Variants in SH3YL1 observed in about 807,000 individuals in gnomAD.
SH3YL1 encodes the protein SH3 domain-containing YSC84-like protein 1.
Under a neutral mutation model 45.8 loss-of-function variants are expected in SH3YL1, and 41 were observed. The observed-to-expected ratio is 0.89, with a 90% CI of 0.70 to 1.16. The LOEUF is 1.16. Ranked by LOEUF, SH3YL1 falls within the 50% of genes most tolerant of loss-of-function variation. The pLI, the probability that SH3YL1 is intolerant of heterozygous loss-of-function variation, is 0.00. For missense variants in SH3YL1, 389 were observed against 409.6 expected, an observed-to-expected ratio of 0.95 and a Z score of 0.43; for synonymous variants, 152 against 151.4, an observed-to-expected ratio of 1.00 and a Z score of -0.03.
At chr2:236,930 C>A (rs1668329810) in intron 4 of SH3YL1, among the ~76,000 whole-genome samples, 1 of 152,162 alleles carries the variant, frequency 6.6e-6, no homozygotes, top group Non-Finnish European at 1.5e-5. Flanking sequence ...TACCAGAGAG[C>A]TGACCCACAC....
intron 3 of SH3YL1, among the ~76,000 whole-genome samples, chr2:249,119 T>C (rs1217496205): frequency 6.6e-6 from 1 of 152,204 alleles, no homozygotes; most frequent in Non-Finnish European, 1.5e-5. Flanking sequence ...TTTTAGTTAG[T>C]TTTGACACAC....
chr2:241,170 A>G (rs970137183), intron 4 of SH3YL1: 1 of 152,194 alleles, frequency 6.6e-6, no homozygotes, highest in Non-Finnish European at 1.5e-5. Context: ...AGAAAAACGT[A>G]CAATGAGAAT....
At chr2:231,767 G>A (rs532372278) in intron 6 of SH3YL1, among the ~76,000 whole-genome samples, 2 of 152,326 alleles carry the variant, frequency 1.3e-5, no homozygotes, top group Admixed American at 1.3e-4. Context: ...GTTTCTAAAA[G>A]CATTCTTTTG....
intron 4 of SH3YL1, among the ~76,000 whole-genome samples, chr2:239,355 T>C (rs1322588423): frequency 6.6e-6 from 1 of 152,148 alleles, no homozygotes; most frequent in Non-Finnish European, 1.5e-5. Flanking sequence ...CTTTCTGTGT[T>C]TGGAAGGTCA....
At chr2:249,592 TC>T in intron 3 of SH3YL1, 138 bp downstream of exon 3, 1 of 607,962 alleles carries the variant, frequency 1.6e-6, no homozygotes, top group African/African-American at 1.9e-5. Context: ...AACTGCACGT[TC>T]AGTCGAGTAG....
chr2:226,754 G>C (rs1667799922), intron 8 of SH3YL1, among the ~76,000 whole-genome samples: 1 of 149,054 alleles, frequency 6.7e-6, no homozygotes, highest in South Asian at 2.1e-4. Context: ...TGTTATTGGG[G>C]AGTGTATATA....
At chr2:229,598 G>A (rs1351528416) in intron 8 of SH3YL1, among the ~76,000 whole-genome samples, 4 of 150,444 alleles carry the variant, frequency 2.7e-5, no homozygotes, top group Admixed American at 2.0e-4. Context: ...GCGTAGTGGC[G>A]GGCGCCTGTA....
At chr2:255,803 CA>C (rs1669296471) in intron 1 of SH3YL1, 1 of 152,134 alleles carries the variant, frequency 6.6e-6, no homozygotes, top group Non-Finnish European at 1.5e-5. Flanking sequence ...ATACTTTATG[CA>C]AAATTAAGTG....
chr2:251,785 C>T (rs1055519723), intron 2 of SH3YL1, among the ~76,000 whole-genome samples: 8 of 152,028 alleles, frequency 5.3e-5, no homozygotes, highest in South Asian at 4.2e-4. Flanking sequence ...GAGAAGTCAC[C>T]GGGCCAATGC....
At chr2:261,505 A>G (rs1266906022) in intron 1 of SH3YL1, among the ~76,000 whole-genome samples, 1 of 152,102 alleles carries the variant, frequency 6.6e-6, no homozygotes, top group East Asian at 1.9e-4. Flanking sequence ...AAATTTTCAT[A>G]GTAACACATT....
chr2:263,949 G>T, intron 1 of SH3YL1, 35 bp downstream of exon 1: 1 of 1,484,346 alleles, frequency 6.7e-7, no homozygotes, highest in Non-Finnish European at 9.1e-7. Flanking sequence ...GAGAGGGGAG[G>T]GTGCTGCCGG....
rs115499572 is a variant in SH3YL1 at position 226,855 on chromosome 2, C to T, written c.782-1935G>A. 7.3e-3 allele frequency among the ~76,000 whole-genome samples: 1,087 copies of T among 149,880 alleles called. 16 individuals carry two copies. Among genetic ancestry groups the T allele is most frequent in the African/African-American group, 0.025 (1,011 of 40,608 alleles). ...ATATATGGTTAGGATTGCACATGGT[C>T]GGTAGTATACACGGTACAGAATATG... On this transcript the variant is annotated intron_variant, in intron 8 of 9. Transcript: ENST00000356150.
intron 4 of SH3YL1, among the ~76,000 whole-genome samples, chr2:236,956 G>A (rs1380819235): frequency 2.6e-5 from 4 of 152,170 alleles, no homozygotes; most frequent in Non-Finnish European, 4.4e-5. Context: ...GCTTCAGCTT[G>A]ACGCTTGCCA....
chr2:251,469 G>C (rs1669068353), intron 2 of SH3YL1, among the ~76,000 whole-genome samples: 1 of 152,108 alleles, frequency 6.6e-6, no homozygotes, highest in South Asian at 2.1e-4. Flanking sequence ...CCATGCTTTG[G>C]GGCAATCTCT....
intron 9 of SH3YL1, among the ~76,000 whole-genome samples, chr2:219,940 A>G (rs1339699454): frequency 1.3e-5 from 2 of 152,138 alleles, no homozygotes; most frequent in Non-Finnish European, 2.9e-5. Context: ...GTGTATATCC[A>G]TGTATTGCAG....
intron 2 of SH3YL1, among the ~76,000 whole-genome samples, chr2:252,206 C>T (rs1052404219): frequency 1.3e-5 from 2 of 152,162 alleles, no homozygotes; most frequent in Non-Finnish European, 2.9e-5. Flanking sequence ...CCTTTATGGT[C>T]TAGGGGATAC....
At chr2:233,251 A>C in intron 5 of SH3YL1, 22 bp from the exon 6 acceptor site, 1 of 1,540,832 alleles carries the variant, frequency 6.5e-7, no homozygotes, top group African/African-American at 1.4e-5. Flanking sequence ...AAGATTTTGC[A>C]TCACAAAGCT....
chr2:231,125 G>A lies in SH3YL1; in HGVS notation c.600C>T (p.Ala200=), dbSNP rs376640874. Residue 200 remains alanine (A), a synonymous_variant, in exon 7 of 10, where the codon GCC becomes GCT. Coordinates refer to ENST00000356150, the MANE Select transcript of SH3YL1 (RefSeq NM_015677.4). ...LFGDTPRPAQ[A]EDLYEILDSF... is the part of the protein sequence containing the mutation. The stretch of plus-strand genomic sequence containing the variant: ...AATCAAGAATTTCATAAAGATCTTC[G>A]GCTTGAGCAGGCCGCGGTGTATCTC... The A allele has an allele frequency of 6.4e-5, 103 of 1,613,852 alleles. No individual in the cohort carries two copies. The African/African-American group carries it at 1.2e-3, about 18-fold the overall frequency.
chr2:221,397 A>G (rs907716525), intron 9 of SH3YL1, among the ~76,000 whole-genome samples: 1 of 152,168 alleles, frequency 6.6e-6, no homozygotes, highest in Non-Finnish European at 1.5e-5. Flanking sequence ...AATATATTTT[A>G]TGAGGAATAA....
Sources: gnomAD v4.1 joint callset for allele counts (sites outside exome capture counted in the v4.1 genomes callset) on GRCh38, gnomAD v4.1.1 for gene constraint, MANE v1.5 for transcripts, NCBI Gene and HGNC (gene_info 2026-07-23, HGNC 2026-07-21) for gene names.